STX1A: variants seen among roughly 807,000 people sequenced by gnomAD.
The protein encoded by STX1A is syntaxin 1A.
A neutral mutation model predicts 37.8 loss-of-function variants in STX1A; 4 were observed. The observed-to-expected ratio is 0.11, with a 90% CI of 0.05 to 0.24. The LOEUF is 0.24. STX1A is among the 10% of genes least tolerant of loss of function. The pLI is 1.00. For missense variants in STX1A, 251 were observed against 399.9 expected, an observed-to-expected ratio of 0.63 and a Z score of 3.18; for synonymous variants, 135 against 147.4, an observed-to-expected ratio of 0.92 and a Z score of 0.61.
In STX1A at chr7:73,702,883, C is replaced by A. The variant is rs1435523092; in HGVS notation, c.640G>T (p.Asp214Tyr). 2 of 1,613,828 alleles carry A rather than the reference C, an allele frequency of 1.2e-6. No individual in the cohort carries two copies. The highest frequency in any genetic ancestry group is 1.7e-6 in the Non-Finnish European group (2 of 1,180,010). The change falls in exon 8 of 10, where the codon GAC becomes TAC. Residue 214 changes from aspartate to tyrosine, a missense_variant. Physicochemically the swap from Asp to Tyr is radical, Grantham distance 160. Around this residue, in one of 2 missense-constraint regions of STX1A, gnomAD observed 214 missense variants for 367.6 expected, o/e 0.58. Coordinates refer to ENST00000222812, the MANE Select transcript of STX1A (RefSeq NM_004603.4). The surrounding 1 kb of genome is among the most constrained non-coding windows in gnomAD (Gnocchi z 4.7). ...KLENSIRELH[D>Y]MFMDMAMLVE... ...AGCATGGCCATGTCCATGAACATGT[C>A]GTGTAGCTCACGGATGCTGTTCTCC...
chr7:73,706,259 A>T lies in STX1A; in HGVS notation c.209-1035T>A, dbSNP rs1016279497. ...GGAATGCAGTGAGGTGGAGCGGGGA[A>T]GGGGGGGTTCCGAGGCGCGGAGGAG... On this transcript the variant is annotated intron_variant, in intron 3 of 9. Transcript: ENST00000222812. The surrounding 1 kb of genome is among the most constrained non-coding windows in gnomAD (Gnocchi z 4.6). Among the ~76,000 whole-genome samples, 4 of 152,054 alleles carry T rather than the reference A, an allele frequency of 2.6e-5. No individual in the cohort carries two copies. Among genetic ancestry groups the T allele is most frequent in the Non-Finnish European group, 5.9e-5 (4 of 67,992 alleles).
rs532458404 is a variant in STX1A at position 73,717,693 on chromosome 7, G to A, written c.30+1909C>T. 1.3e-5 allele frequency among the ~76,000 whole-genome samples: 2 copies of A among 152,306 alleles called. No homozygotes were observed. The highest frequency in any genetic ancestry group is 3.9e-4 in the East Asian group (2 of 5,182). The stretch of plus-strand genomic sequence containing the variant: ...AATGCCTTGTGTGGGGAGGGTGGGG[G>A]TGTCTGGAGCGGAAGCCTCAGACCA... On this transcript the variant is annotated intron_variant, in intron 1 of 9. Transcript: ENST00000222812. The surrounding 1 kb of genome is among the most constrained non-coding windows in gnomAD (Gnocchi z 4.1).
chr7:73,712,363 C>T (rs564016683), intron 1 of STX1A, among the ~76,000 whole-genome samples: 42 of 150,890 alleles, frequency 2.8e-4, no homozygotes, highest in Non-Finnish European at 5.0e-4. Context: ...TACAATCCAC[C>T]CTCTGCCCCC....
intron 5 of STX1A, 36 bp from the exon 6 acceptor site, chr7:73,704,292 C>T (rs1554616456): frequency 6.2e-7 from 1 of 1,613,894 alleles, no homozygotes; most frequent in Non-Finnish European, 8.5e-7. Flanking sequence ...GGGTCAGGCC[C>T]TGCGGGGACC....
At chr7:73,715,240 G>A (rs1799250041) in intron 1 of STX1A, among the ~76,000 whole-genome samples, 1 of 151,980 alleles carries the variant, frequency 6.6e-6, no homozygotes, top group Admixed American at 6.6e-5. Flanking sequence ...TGCCCAACAT[G>A]GTGAAACCCC....
At chr7:73,707,413 C>T (rs1798912901) in intron 3 of STX1A, among the ~76,000 whole-genome samples, 1 of 152,212 alleles carries the variant, frequency 6.6e-6, no homozygotes, top group Admixed American at 6.5e-5. Flanking sequence ...CCAGCTCCTT[C>T]CGGAAGCTCT....
At position 73,702,133 on chromosome 7, in the gene STX1A, G is replaced by A. The variant is rs1798681422; in HGVS notation, c.678+712C>T. 6.6e-6 allele frequency among the ~76,000 whole-genome samples: 1 copy of A among 152,054 alleles called. No homozygotes were observed. Among genetic ancestry groups the A allele is most frequent in the Non-Finnish European group, 1.5e-5 (1 of 68,016 alleles). ...TGGGCTTGGGACCTTAGTGTTGCTG[G>A]GGCCAGCTCTTCATCTCCGCTGCGA... On this transcript the variant is annotated intron_variant, in intron 8 of 9. Coordinates refer to ENST00000222812, the MANE Select transcript of STX1A (RefSeq NM_004603.4). This position sits in a 1 kb window ranked among gnomAD's most constrained non-coding sequence, Gnocchi z 4.7.
At chr7:73,711,789 G>A (rs574583951) in intron 1 of STX1A, among the ~76,000 whole-genome samples, 20 of 152,140 alleles carry the variant, frequency 1.3e-4, no homozygotes, top group Admixed American at 1.0e-3. Context: ...CTCCTTTTCC[G>A]TGGCCAGAGA....
Position 73,700,419 on chromosome 7 carries a change from GCCC to G in STX1A, c.852_854del (p.Gly285del), listed in dbSNP as rs1563566026. On this transcript the variant is annotated inframe_deletion, in exon 10 of 10. Transcript: ENST00000222812. This position sits in a 1 kb window ranked among gnomAD's most constrained non-coding sequence, Gnocchi z 4.4. ...GTTTGGGTGGCTTCTAGGCGAAGAT[GCCC>G]CCAACAGTGGAGGCGATGACGATGC... The G allele has an allele frequency of 6.2e-7, 1 of 1,614,054 alleles. No individual in the cohort carries two copies. Among genetic ancestry groups the G allele is most frequent in the Admixed American group, 1.7e-5 (1 of 60,008 alleles).
In STX1A at chr7:73,702,642, T is replaced by TTGAAGC; in HGVS notation, c.678+197_678+202dup. On this transcript the variant is annotated intron_variant, in intron 8 of 9. Coordinates refer to ENST00000222812, the MANE Select transcript of STX1A (RefSeq NM_004603.4). This position sits in a 1 kb window ranked among gnomAD's most constrained non-coding sequence, Gnocchi z 4.7. ...TGGGGCCATGCAGGGCCTGGGGTCC[T>TTGAAGC]TGAAGCTCAAGCAGAGCCATGCAGA... 7.0e-7 allele frequency: 1 copy of TTGAAGC among 1,434,312 alleles called. No homozygotes were observed. Among genetic ancestry groups the TTGAAGC allele is most frequent in the Non-Finnish European group, 9.2e-7 (1 of 1,091,256 alleles). The allele number at this position is 1,434,312 out of a possible 1,614,324, so 88.8% of individuals were successfully genotyped here.
chr7:73,704,197 G>A lies in STX1A; in HGVS notation c.417C>T (p.Ser139=), dbSNP rs966608248. The change falls in exon 6 of 10, where the codon TCC becomes TCT. Residue 139 remains serine (S), a synonymous_variant. Coordinates refer to ENST00000222812, the MANE Select transcript of STX1A (RefSeq NM_004603.4). ...GGCCTTTGCAGCGCTCGCGGTAGTC[G>A]GACTGCGTGGCGTTGTACTCCGACA... ...EVMSEYNATQ[S]DYRERCKGRI... 6 of 1,613,278 alleles carry A rather than the reference G, an allele frequency of 3.7e-6. No homozygotes were observed. Among genetic ancestry groups the A allele is most frequent in the African/African-American group, 2.7e-5 (2 of 74,834 alleles).
At chr7:73,711,393 G>A (rs1187191506) in intron 1 of STX1A, 4 of 153,710 alleles carry the variant, frequency 2.6e-5, no homozygotes, top group Non-Finnish European at 5.9e-5. Context: ...CTTTGATAGA[G>A]GCGGCTCAGA....
chr7:73,702,302 T>C lies in STX1A; in HGVS notation c.678+543A>G, dbSNP rs1554616010. On this transcript the variant is annotated intron_variant, in intron 8 of 9. Coordinates refer to ENST00000222812, the MANE Select transcript of STX1A (RefSeq NM_004603.4). This position sits in a 1 kb window ranked among gnomAD's most constrained non-coding sequence, Gnocchi z 4.7. Reference sequence around the variant, plus strand: ...GTTACTCTGTGTAACTTTGGAACCATAGTGGTGGTGGCACCACCTTTGAGC... The same window carrying C: ...GTTACTCTGTGTAACTTTGGAACCACAGTGGTGGTGGCACCACCTTTGAGC... 2.6e-5 allele frequency among the ~76,000 whole-genome samples: 4 copies of C among 152,158 alleles called. No individual in the cohort carries two copies. Among genetic ancestry groups the C allele is most frequent in the African/African-American group, 7.2e-5 (3 of 41,426 alleles).
Position 73,702,624 on chromosome 7 carries a change from A to G in STX1A, c.678+221T>C, listed in dbSNP as rs1798701548. Reference sequence around the variant, plus strand: ...ACGGCGGGGTATAGAGGGTGGGGCCATGCAGGGCCTGGGGTCCTTGAAGCT... The same window carrying G: ...ACGGCGGGGTATAGAGGGTGGGGCCGTGCAGGGCCTGGGGTCCTTGAAGCT... On this transcript the variant is annotated intron_variant, in intron 8 of 9. Transcript: ENST00000222812. The surrounding 1 kb of genome is among the most constrained non-coding windows in gnomAD (Gnocchi z 4.7). 2.2e-6 allele frequency: 3 copies of G among 1,388,246 alleles called. No individual in the cohort carries two copies. The highest frequency in any genetic ancestry group is 3.0e-5 in the South Asian group (2 of 66,636). The allele number at this position is 1,388,246 out of a possible 1,614,324, so 86.0% of individuals were successfully genotyped here.
intron 1 of STX1A, among the ~76,000 whole-genome samples, chr7:73,710,664 A>T (rs1328624628): frequency 6.6e-6 from 1 of 152,144 alleles, no homozygotes; most frequent in Non-Finnish European, 1.5e-5. Flanking sequence ...ACCTCAGGTG[A>T]TCCACCCGCC....
chr7:73,716,478 CA>C (rs1442201115), intron 1 of STX1A: 1 of 152,460 alleles, frequency 6.6e-6, no homozygotes, highest in African/African-American at 2.4e-5. Context: ...CAAGGCACTT[CA>C]GGGGGCCCCA....
chr7:73,715,469 G>T (rs555640014), intron 1 of STX1A, among the ~76,000 whole-genome samples: 4 of 152,238 alleles, frequency 2.6e-5, no homozygotes, highest in Admixed American at 2.0e-4. Context: ...AACCAGGAAG[G>T]CTGGGAGGGA....
At chr7:73,708,327 G>A (rs372384555) in intron 3 of STX1A, among the ~76,000 whole-genome samples, 103 of 151,584 alleles carry the variant, frequency 6.8e-4, no homozygotes, top group African/African-American at 2.2e-3. Flanking sequence ...GGGCGGGGCC[G>A]ATCGCCTCTC....
chr7:73,715,819 C>T (rs1400538650), intron 1 of STX1A, among the ~76,000 whole-genome samples: 1 of 152,210 alleles, frequency 6.6e-6, no homozygotes, highest in Non-Finnish European at 1.5e-5. Context: ...ATCACTAGTG[C>T]AGAGAGGCCC....
Sources: gnomAD v4.1 joint callset for allele counts (sites outside exome capture counted in the v4.1 genomes callset) on GRCh38, gnomAD v4.1.1 for gene constraint, gnomAD v4.1.1 regional missense constraint, Gnocchi (gnomAD v3.1) non-coding constraint, MANE v1.5 for transcripts, NCBI Gene and HGNC (gene_info 2026-07-23, HGNC 2026-07-21) for gene names.